CFAP58: variants seen among roughly 807,000 people sequenced by gnomAD.
CFAP58 encodes cilia and flagella associated protein 58.
In CFAP58, 88 loss-of-function variants were observed where a neutral mutation model predicts 119.5. That is an observed-to-expected ratio of 0.74 (90% CI 0.62 to 0.88). The LOEUF (loss-of-function observed/expected upper bound fraction) is 0.88, where lower values mean the gene tolerates loss of function less well. Ranked by LOEUF, CFAP58 falls within the 40% of genes least tolerant of loss-of-function variation. CFAP58 has a pLI of 0.00. For synonymous variants in CFAP58, 365 were observed against 366.3 expected (o/e 1.00, Z 0.04); for missense variants, 990 against 1,021.2 (o/e 0.97, Z 0.42).
At chr10:104,451,013 T>A (rs1450848266) in intron 17 of CFAP58, among the ~76,000 whole-genome samples, 1 of 152,184 alleles carries the variant, frequency 6.6e-6, no homozygotes, top group East Asian at 1.9e-4. Context: ...AAACAAAATT[T>A]CTCTTCACAT....
chr10:104,389,766 A>G (rs962037802), intron 9 of CFAP58, among the ~76,000 whole-genome samples: 1 of 152,172 alleles, frequency 6.6e-6, no homozygotes, highest in Admixed American at 6.5e-5. Flanking sequence ...GTGAATGAAT[A>G]AATGGGGGAG....
rs556172286 is a variant in CFAP58, at chr10:104,447,068, C to T, written c.2257-630C>T. On this transcript the variant is annotated intron_variant, in intron 15 of 17. Transcript: ENST00000369704. ...GAGTGCAGTGGTGCACAGCTCATTG[C>T]TCCCTCGATCTCCTGGGCTCAAATG... Among the ~76,000 whole-genome samples, 3 of 152,004 alleles carry T rather than the reference C, an allele frequency of 2.0e-5. No individual in the cohort carries two copies. The South Asian group carries it at 6.2e-4, about 32-fold the overall frequency.
At chr10:104,445,598 A>G (rs1376083464) in intron 15 of CFAP58, among the ~76,000 whole-genome samples, 1 of 152,160 alleles carries the variant, frequency 6.6e-6, no homozygotes, top group Non-Finnish European at 1.5e-5. Context: ...TATCCATGAT[A>G]TCATGTAGAT....
intron 15 of CFAP58, among the ~76,000 whole-genome samples, chr10:104,418,109 C>T (rs2012583042): frequency 6.6e-6 from 1 of 152,366 alleles, no homozygotes; most frequent in Admixed American, 6.5e-5. Context: ...CACAGCCAGG[C>T]TCATTCATTC....
Position 104,353,933 on chromosome 10 carries a change from C to T in CFAP58, c.9+27C>T, listed in dbSNP as rs762994676. On this transcript the variant is annotated intron_variant, in intron 1 of 17. Coordinates refer to ENST00000369704, the MANE Select transcript of CFAP58 (RefSeq NM_001008723.2). ...TCAGGAGTCAGCGCCCCTCTGTCGCCTTTCCCTTGACCCCTCCCCATTGTC... is the reference window on the plus strand; with the variant it reads ...TCAGGAGTCAGCGCCCCTCTGTCGCTTTTCCCTTGACCCCTCCCCATTGTC... 1.9e-6 allele frequency: 3 copies of T among 1,613,142 alleles called. No homozygotes were observed. The Admixed American group carries it at 5.0e-5, about 27-fold the overall frequency.
At chr10:104,371,213 G>C (rs1351497702) in intron 7 of CFAP58, among the ~76,000 whole-genome samples, 159 bp downstream of exon 7, 3 of 151,642 alleles carry the variant, frequency 2.0e-5, no homozygotes, top group Non-Finnish European at 4.4e-5. Flanking sequence ...GTGGGGTGGG[G>C]GGCATCATTT....
chr10:104,396,400 G>A (rs1338226981), intron 11 of CFAP58, among the ~76,000 whole-genome samples: 11 of 81,076 alleles, frequency 1.4e-4, no homozygotes, highest in Non-Finnish European at 2.3e-4. Flanking sequence ...GAGAGAGAGA[G>A]AGAGAGAGAG....
chr10:104,379,324 T>A (rs983365072), intron 8 of CFAP58, among the ~76,000 whole-genome samples: 1 of 152,236 alleles, frequency 6.6e-6, no homozygotes, highest in African/African-American at 2.4e-5. Flanking sequence ...AGTTCATCCG[T>A]TGTAGCACGC....
At chr10:104,394,677 C>G (rs1219488781) in intron 11 of CFAP58, among the ~76,000 whole-genome samples, 1 of 152,164 alleles carries the variant, frequency 6.6e-6, no homozygotes, top group Non-Finnish European at 1.5e-5. Flanking sequence ...ATTTACCTGT[C>G]TCAGACATTC....
intron 7 of CFAP58, 63 bp downstream of exon 7, chr10:104,371,117 A>G (rs2014817861): frequency 6.8e-7 from 1 of 1,472,278 alleles, no homozygotes; most frequent in South Asian, 1.3e-5. Flanking sequence ...GTTATCTTGT[A>G]ACCCAGGGCT....
intron 15 of CFAP58, among the ~76,000 whole-genome samples, chr10:104,444,716 C>T (rs528003799): frequency 1.3e-5 from 2 of 152,310 alleles, no homozygotes; most frequent in South Asian, 4.1e-4. Flanking sequence ...TAAGCATTGA[C>T]CAAAATTCAC....
Position 104,453,764 on chromosome 10 carries a change from G to A in CFAP58, c.2511-658G>A, listed in dbSNP as rs1370128828. 7.4e-5 allele frequency among the ~76,000 whole-genome samples: 9 copies of A among 121,300 alleles called. No individual in the cohort carries two copies. In the East Asian group the frequency reaches 2.2e-3, roughly 30 times the overall value. 79.6% of individuals were successfully genotyped at this position (121,300 alleles called of 152,430 possible). On this transcript the variant is annotated intron_variant, in intron 17 of 17. Coordinates refer to ENST00000369704, the MANE Select transcript of CFAP58 (RefSeq NM_001008723.2). ...TTCTGCAGGAAACATGAATATGAGTGTGTGTGTGTGTGTGTGTGTGTGTGT... is the reference window on the plus strand; with the variant it reads ...TTCTGCAGGAAACATGAATATGAGTATGTGTGTGTGTGTGTGTGTGTGTGT...
intron 15 of CFAP58, among the ~76,000 whole-genome samples, chr10:104,416,038 G>A (rs551933085): frequency 4.6e-5 from 7 of 152,274 alleles, no homozygotes; most frequent in Non-Finnish European, 5.9e-5. Flanking sequence ...AATGATGCGT[G>A]CTGTACCTGG....
intron 2 of CFAP58, among the ~76,000 whole-genome samples, chr10:104,361,528 T>C (rs190930401): frequency 1.3e-5 from 2 of 152,346 alleles, no homozygotes; most frequent in South Asian, 4.1e-4. Flanking sequence ...TCTATGATCA[T>C]TTCTCATGTG....
upstream of CFAP58, among the ~76,000 whole-genome samples, chr10:104,349,887 C>T (rs2014439965): frequency 6.6e-6 from 1 of 152,208 alleles, no homozygotes; most frequent in Non-Finnish European, 1.5e-5. Context: ...GTATTCCAGA[C>T]AGGAAGATCA....
chr10:104,447,611 C>T, intron 15 of CFAP58, 87 bp from the exon 16 acceptor site: 2 of 1,544,026 alleles, frequency 1.3e-6, no homozygotes, highest in Admixed American at 3.6e-5. Context: ...TGGGCCACTC[C>T]CAAATTGTGC....
chr10:104,386,938 C>G (rs2133023192), intron 9 of CFAP58, among the ~76,000 whole-genome samples: 1 of 152,344 alleles, frequency 6.6e-6, no homozygotes, highest in African/African-American at 2.4e-5. Context: ...GACCTGGTCT[C>G]TTCTTCCTTC....
intron 3 of CFAP58, among the ~76,000 whole-genome samples, chr10:104,363,977 G>A (rs1449958786): frequency 6.6e-6 from 1 of 152,160 alleles, no homozygotes; most frequent in Non-Finnish European, 1.5e-5. Flanking sequence ...AAATCATATG[G>A]AATGGCTTTT....
intron 11 of CFAP58, among the ~76,000 whole-genome samples, chr10:104,396,134 A>G (rs1376333949): frequency 6.6e-6 from 1 of 152,180 alleles, no homozygotes; most frequent in Admixed American, 6.5e-5. Context: ...TCAGCACTGA[A>G]GGAACCATCT....
Sources: allele counts gnomAD v4.1 joint callset (sites outside exome capture counted in the v4.1 genomes callset), GRCh38; gene constraint gnomAD v4.1.1; transcripts MANE v1.5; gene names NCBI Gene and HGNC (gene_info 2026-07-23, HGNC 2026-07-21).